Variants in DROSHA observed in about 807,000 individuals in gnomAD.
DROSHA encodes the protein ribonuclease 3.
DROSHA carries 56 observed loss-of-function variants against 181.9 expected under a neutral mutation model. The observed-to-expected ratio is 0.31, with a 90% confidence interval of 0.25 to 0.38. DROSHA has a LOEUF of 0.38. Ranked by LOEUF, DROSHA falls within the 10% of genes least tolerant of loss-of-function variation. The probability of loss-of-function intolerance (pLI) is 1.00; values close to 1 mark genes in which losing one functional copy is unlikely to be tolerated. For synonymous variants in DROSHA, 524 were observed against 591.2 expected (o/e 0.89, Z 1.65); for missense variants, 1,218 against 1,743.5 (o/e 0.70, Z 5.37).
rs5867080 is a variant in DROSHA at position 31,457,123 on chromosome 5, C to CTTT, written c.2575-5486_2575-5484dup. Among the ~76,000 whole-genome samples the CTTT allele has an allele frequency of 4.2e-3, 412 of 99,110 alleles. 21 individuals carry two copies. Among genetic ancestry groups the CTTT allele is most frequent in the African/African-American group, 0.014 (345 of 25,354 alleles). The allele number at this position is 99,110 out of a possible 152,430, so 65.0% of individuals were successfully genotyped here. A position where few individuals can be genotyped will look rare whatever the true frequency, so the allele number is the denominator to read the frequency against. On this transcript the variant is annotated intron_variant, in intron 20 of 35. Coordinates refer to ENST00000344624, the MANE Select transcript of DROSHA (RefSeq NM_001382508.1). Reference sequence around the variant, plus strand: ...CTTTCATAAAAATAGGAAATTAAGCCTTTTTTTTTTTTTTTTTTTTTATGG... The same window carrying CTTT: ...CTTTCATAAAAATAGGAAATTAAGCCTTTTTTTTTTTTTTTTTTTTTTTTATGG...
At chr5:31,530,691 T>G in intron 3 of DROSHA, 107 bp downstream of exon 3, 5 of 340,738 alleles carry the variant, frequency 1.5e-5, no homozygotes, top group African/African-American at 2.2e-5. Context: ...TTTCTATCCA[T>G]CTATCAATCT....
Position 31,478,634 on chromosome 5 carries a change from T to C in DROSHA, c.2071+4920A>G, listed in dbSNP as rs575730973. 3.1e-4 allele frequency among the ~76,000 whole-genome samples: 47 copies of C among 152,194 alleles called. No homozygotes were observed. In the South Asian group the frequency reaches 9.3e-3, roughly 30 times the overall value. Reference sequence around the variant, plus strand: ...CTGTAATCTCAGCAACTTGGGAGGCTGAGGCAAGAGAATCGCTTGAACCCG... The same window carrying C: ...CTGTAATCTCAGCAACTTGGGAGGCCGAGGCAAGAGAATCGCTTGAACCCG... On this transcript the variant is annotated intron_variant, in intron 16 of 35. Coordinates refer to ENST00000344624, the MANE Select transcript of DROSHA (RefSeq NM_001382508.1).
intron 30 of DROSHA, among the ~76,000 whole-genome samples, chr5:31,417,466 C>T (rs576754732): frequency 2.0e-5 from 3 of 152,000 alleles, no homozygotes; most frequent in Non-Finnish European, 4.4e-5. Flanking sequence ...TTGACTGGGG[C>T]GCGGGGTATG....
At chr5:31,439,401 A>G (rs1312480336) in intron 23 of DROSHA, among the ~76,000 whole-genome samples, 1 of 152,144 alleles carries the variant, frequency 6.6e-6, no homozygotes, top group Non-Finnish European at 1.5e-5. Context: ...GCCTATGTTC[A>G]AGTCATCCTT....
intron 8 of DROSHA, among the ~76,000 whole-genome samples, chr5:31,512,802 T>C (rs1169857172): frequency 2.6e-5 from 4 of 152,176 alleles, no homozygotes; most frequent in Admixed American, 6.5e-5. Flanking sequence ...GGAATGCACA[T>C]GGCCTGGAGG....
chr5:31,418,839 G>C (rs1288156094), intron 30 of DROSHA, among the ~76,000 whole-genome samples: 1 of 152,086 alleles, frequency 6.6e-6, no homozygotes, highest in Non-Finnish European at 1.5e-5. Flanking sequence ...TACTGGACGA[G>C]GACCCAGGCA....
In DROSHA at chr5:31,409,295, T is replaced by A. The variant is rs1326601694; in HGVS notation, c.3705A>T (p.Glu1235Asp). ...AGACATTCATGAAAGTATGAACATA[T>A]TCCAAATCCTTATCAATGTACAGCG... The part of the protein sequence containing the change: ...IAALYIDKDL[E>D]YVHTFMNVCF... Residue 1235 changes from glutamate (E) to aspartate (D), a missense_variant, in exon 32 of 36, where the codon GAA becomes GAT. By Grantham distance (45) the Glu-to-Asp change is conservative. This residue lies in a region of DROSHA where 47 missense variants were observed against 70.6 expected (regional missense o/e 0.67). Transcript: ENST00000344624. This position sits in a 1 kb window ranked among gnomAD's most constrained non-coding sequence, Gnocchi z 4.0. 1.3e-6 allele frequency: 2 copies of A among 1,589,518 alleles called. No homozygotes were observed. The highest frequency in any genetic ancestry group is 8.6e-7 in the Non-Finnish European group (1 of 1,166,930).
intron 16 of DROSHA, among the ~76,000 whole-genome samples, chr5:31,481,185 C>A (rs777307444): frequency 1.3e-4 from 20 of 151,902 alleles, no homozygotes; most frequent in Admixed American, 8.5e-4. Context: ...TATCTAATAC[C>A]AAAATGCATT....
intron 10 of DROSHA, among the ~76,000 whole-genome samples, chr5:31,506,086 C>T (rs1024987703): frequency 2.0e-5 from 3 of 152,194 alleles, no homozygotes; most frequent in Admixed American, 6.5e-5. Flanking sequence ...CACAGCTGTG[C>T]GCAGTGGCAC....
At chr5:31,435,989 A>G in intron 24 of DROSHA, 125 bp from the exon 25 acceptor site, 1 of 797,128 alleles carries the variant, frequency 1.3e-6, no homozygotes, top group Non-Finnish European at 2.0e-6. Flanking sequence ...ATCAAACTAA[A>G]GGATCTGATT....
chr5:31,424,948 T>C (rs1022267069), intron 27 of DROSHA, among the ~76,000 whole-genome samples: 1 of 152,300 alleles, frequency 6.6e-6, no homozygotes, highest in African/African-American at 2.4e-5. Context: ...ATCTTATGTT[T>C]ATGAGATCAT....
At chr5:31,484,159 C>G (rs1288199577) in intron 15 of DROSHA, among the ~76,000 whole-genome samples, 1 of 151,950 alleles carries the variant, frequency 6.6e-6, no homozygotes, top group Non-Finnish European at 1.5e-5. Flanking sequence ...ATCACGAGGT[C>G]AGGATATCGA....
At chr5:31,523,152 T>C (rs1740094140) in intron 5 of DROSHA, among the ~76,000 whole-genome samples, 1 of 152,228 alleles carries the variant, frequency 6.6e-6, no homozygotes, top group African/African-American at 2.4e-5. Context: ...GTGCTCCATG[T>C]TTGTTTCACA....
intron 20 of DROSHA, among the ~76,000 whole-genome samples, chr5:31,460,513 T>C (rs914672837): frequency 6.6e-6 from 1 of 152,218 alleles, no homozygotes; most frequent in Non-Finnish European, 1.5e-5. Flanking sequence ...AGAAACCAGA[T>C]AGCATCTCAA....
chr5:31,429,094 A>G (rs1464217183), intron 27 of DROSHA, among the ~76,000 whole-genome samples: 1 of 152,220 alleles, frequency 6.6e-6, no homozygotes, highest in Non-Finnish European at 1.5e-5. Flanking sequence ...CAAATCATAC[A>G]CAGAAAAGCC....
At position 31,476,439 on chromosome 5, in the gene DROSHA, C is replaced by T. The variant is rs80042674; in HGVS notation, c.2072-4207G>A. On this transcript the variant is annotated intron_variant, in intron 16 of 35. Coordinates refer to ENST00000344624, the MANE Select transcript of DROSHA (RefSeq NM_001382508.1). ...TCCACCTTCTTATTTAGGTACAACG[C>T]TAATGATGAGGCAGAAGCGAGTCAC... Among the ~76,000 whole-genome samples, 1,295 of 152,214 alleles carry T rather than the reference C, an allele frequency of 8.5e-3. 24 individuals are homozygous for T. The highest frequency in any genetic ancestry group is 0.029 in the African/African-American group (1,220 of 41,508).
intron 13 of DROSHA, among the ~76,000 whole-genome samples, chr5:31,488,407 T>C (rs4867341): frequency 0.13 from 14,755 of 116,480 alleles, 1,055 homozygotes; most frequent in East Asian, 0.25. Context: ...AGCAAAACTC[T>C]ATCACCAAAA....
intron 4 of DROSHA, among the ~76,000 whole-genome samples, chr5:31,528,422 A>G (rs1561304470): frequency 1.3e-5 from 2 of 152,150 alleles, no homozygotes; most frequent in African/African-American, 4.8e-5. Context: ...TCCTATCTCA[A>G]TAAATGACAC....
At chr5:31,489,329 T>C (rs1331207787) in intron 13 of DROSHA, among the ~76,000 whole-genome samples, 1 of 152,224 alleles carries the variant, frequency 6.6e-6, no homozygotes, top group Non-Finnish European at 1.5e-5. Flanking sequence ...TTTCTCCATT[T>C]CATTTTAAGT....
Sources: gnomAD v4.1 joint callset for allele counts (sites outside exome capture counted in the v4.1 genomes callset) on GRCh38, gnomAD v4.1.1 for gene constraint, gnomAD v4.1.1 regional missense constraint, Gnocchi (gnomAD v3.1) non-coding constraint, MANE v1.5 for transcripts, NCBI Gene and HGNC (gene_info 2026-07-23, HGNC 2026-07-21) for gene names.